The following CAPZB variants were observed in gnomAD, a reference collection of about 807,000 sequenced individuals.
CAPZB encodes the protein capping actin protein of muscle Z-line subunit beta.
CAPZB carries 2 observed loss-of-function variants against 38.1 expected under a neutral mutation model. The observed-to-expected ratio is 0.05, with a 90% CI of 0.02 to 0.17. CAPZB has a LOEUF of 0.17. Among genes scored for constraint, CAPZB ranks in the 10% least tolerant of loss-of-function variants. The pLI, the probability that CAPZB is intolerant of heterozygous loss-of-function variation, is 1.00. For synonymous variants in CAPZB, 107 were observed against 127.4 expected, an observed-to-expected ratio of 0.84 and a Z score of 1.08; for missense variants, 161 against 334.2, an observed-to-expected ratio of 0.48 and a Z score of 4.04.
At chr1:19,391,367 G>A (rs1035882234) in intron 2 of CAPZB, among the ~76,000 whole-genome samples, 1 of 152,052 alleles carries the variant, frequency 6.6e-6, no homozygotes, top group Non-Finnish European at 1.5e-5. Flanking sequence ...TTAAAAAATG[G>A]CCAAATGAAC....
In CAPZB at chr1:19,378,718, G is replaced by A. The variant is rs1303098344; in HGVS notation, c.216-65C>T. The A allele has an allele frequency of 4.5e-6, 4 of 881,762 alleles. No homozygotes were observed. The Admixed American group carries it at 5.4e-5, about 12-fold the overall frequency. The allele number at this position is 881,762 out of a possible 1,614,324, so 54.6% of individuals were successfully genotyped here. ...CCATGAAGACACGGCCAGCGAGCAG[G>A]GAGCCTGAGCCCTGGCTATCTGAAA... is the stretch of plus-strand genomic sequence containing the variant. On this transcript the variant is annotated intron_variant, in intron 3 of 8. Coordinates refer to ENST00000264202, the MANE Select transcript of CAPZB (RefSeq NM_004930.5).
intron 4 of CAPZB, among the ~76,000 whole-genome samples, chr1:19,363,319 G>A (rs1370241047): frequency 3.4e-5 from 5 of 145,282 alleles, no homozygotes; most frequent in African/African-American, 1.0e-4. Flanking sequence ...CTGGTCTCAA[G>A]CCGTTTATCA....
chr1:19,399,199 A>G (rs1245542937), intron 2 of CAPZB, among the ~76,000 whole-genome samples: 1 of 152,148 alleles, frequency 6.6e-6, no homozygotes, highest in Non-Finnish European at 1.5e-5. Flanking sequence ...ATTGGACCGT[A>G]CACTTTAAAA....
chr1:19,396,910 G>A (rs1051791440), intron 2 of CAPZB, among the ~76,000 whole-genome samples: 2 of 151,780 alleles, frequency 1.3e-5, no homozygotes, highest in African/African-American at 2.4e-5. Flanking sequence ...CCGAGATGGC[G>A]CCACTACACT....
intron 4 of CAPZB, among the ~76,000 whole-genome samples, chr1:19,377,219 C>T (rs1382710967): frequency 3.9e-5 from 6 of 152,174 alleles, no homozygotes; most frequent in African/African-American, 1.4e-4. Context: ...TTCAGTATCA[C>T]TGGGGAAGGA....
chr1:19,376,309 G>C (rs1431108892), intron 4 of CAPZB, among the ~76,000 whole-genome samples: 2 of 152,212 alleles, frequency 1.3e-5, no homozygotes, highest in Non-Finnish European at 2.9e-5. Flanking sequence ...ACACTTTCAA[G>C]GGGGAACTTT....
intron 1 of CAPZB, among the ~76,000 whole-genome samples, chr1:19,474,760 A>G (rs1182094701): frequency 1.3e-5 from 2 of 152,130 alleles, no homozygotes; most frequent in African/African-American, 4.8e-5. Context: ...GGTGACGAGG[A>G]GCATCTAAAG....
At position 19,396,022 on chromosome 1, in the gene CAPZB, C is replaced by T. The variant is rs114862095; in HGVS notation, c.94-10396G>A. 4.0e-3 allele frequency among the ~76,000 whole-genome samples: 604 copies of T among 152,346 alleles called. 3 individuals carry two copies. The highest frequency in any genetic ancestry group is 0.022 in the South Asian group (108 of 4,830). ...ACCACCTTTCTTCCCCGTGTTCCAC[C>T]TAAGTCATCCTTCAGGGTCTGATTC... On this transcript the variant is annotated intron_variant, in intron 2 of 8. Transcript: ENST00000264202.
At chr1:19,400,892 T>C (rs1257428321) in intron 2 of CAPZB, among the ~76,000 whole-genome samples, 1 of 152,168 alleles carries the variant, frequency 6.6e-6, no homozygotes, top group Admixed American at 6.5e-5. Context: ...TCCTACCACC[T>C]TGCCCCGATC....
chr1:19,477,621 CA>C (rs1260053424), intron 1 of CAPZB, among the ~76,000 whole-genome samples: 2 of 152,236 alleles, frequency 1.3e-5, no homozygotes, highest in South Asian at 2.1e-4. Flanking sequence ...CCTTCAGCAG[CA>C]ACACTCTACC....
chr1:19,370,020 G>A (rs1016012940), intron 4 of CAPZB, among the ~76,000 whole-genome samples: 1 of 152,110 alleles, frequency 6.6e-6, no homozygotes, highest in African/African-American at 2.4e-5. Flanking sequence ...CACTACTTCC[G>A]AGGAACTTCT....
chr1:19,359,363 T>C (rs1001552120), intron 4 of CAPZB, among the ~76,000 whole-genome samples: 1 of 151,996 alleles, frequency 6.6e-6, no homozygotes, highest in Admixed American at 6.6e-5. Context: ...CCCAGGAGAA[T>C]GAGGGTGCCC....
intron 1 of CAPZB, among the ~76,000 whole-genome samples, chr1:19,464,804 T>C (rs965730239): frequency 1.3e-4 from 20 of 152,196 alleles, no homozygotes; most frequent in Non-Finnish European, 1.3e-4. Flanking sequence ...CCATACTATC[T>C]GCTTCCATTT....
At position 19,357,440 on chromosome 1, in the gene CAPZB, G is replaced by A; in HGVS notation, c.453C>T (p.Ile151=). 2.5e-6 allele frequency: 4 copies of A among 1,613,982 alleles called. No homozygotes were observed. The highest frequency in any genetic ancestry group is 3.4e-6 in the Non-Finnish European group (4 of 1,180,020). The change falls in exon 5 of 9, where the codon ATC becomes ATT. Residue 151 remains isoleucine (I), a synonymous_variant. Transcript: ENST00000264202. The surrounding 1 kb of genome is among the most constrained non-coding windows in gnomAD (Gnocchi z 4.3). The part of the protein sequence containing the change: ...SKKIKGCWDS[I]HVVEVQEKSS... ...GCAGTACCTGCACTTCTACCACGTG[G>A]ATGGAATCCCAGCAGCCTTTGATCT...
At chr1:19,369,925 C>T (rs944820807) in intron 4 of CAPZB, among the ~76,000 whole-genome samples, 1 of 152,236 alleles carries the variant, frequency 6.6e-6, no homozygotes, top group African/African-American at 2.4e-5. Flanking sequence ...GCAGAGTTCA[C>T]TCAGCCAGAG....
At chr1:19,362,679 G>C (rs2094060014) in intron 4 of CAPZB, among the ~76,000 whole-genome samples, 1 of 152,126 alleles carries the variant, frequency 6.6e-6, no homozygotes, top group South Asian at 2.1e-4. Flanking sequence ...AAAAACCGTG[G>C]AGGCCCAAAG....
intron 1 of CAPZB, among the ~76,000 whole-genome samples, chr1:19,444,611 C>T (rs2094490186): frequency 6.6e-6 from 1 of 152,196 alleles, no homozygotes; most frequent in African/African-American, 2.4e-5. Flanking sequence ...CCACCTCATG[C>T]CTGAAACTGA....
At position 19,367,731 on chromosome 1, in the gene CAPZB, T is replaced by C. The variant is rs3790769; in HGVS notation, c.330-10168A>G. Among the ~76,000 whole-genome samples the C allele has an allele frequency of 1.5e-3, 230 of 152,352 alleles. 2 individuals are homozygous for C. The East Asian group carries it at 0.036, about 24-fold the overall frequency. On this transcript the variant is annotated intron_variant, in intron 4 of 8. Coordinates refer to ENST00000264202, the MANE Select transcript of CAPZB (RefSeq NM_004930.5). The stretch of plus-strand genomic sequence containing the variant: ...TCAGCTTAGGCATGTGCGACTTTAA[T>C]GCCAGCTGCACTTAGAAGGCACATC...
At chr1:19,427,816 C>T (rs2094428548) in intron 1 of CAPZB, among the ~76,000 whole-genome samples, 2 of 152,256 alleles carry the variant, frequency 1.3e-5, no homozygotes, top group South Asian at 4.1e-4. Flanking sequence ...CAGAAGTCCA[C>T]TTGGCGGACC....
Sources: gnomAD v4.1 joint callset for allele counts (sites outside exome capture counted in the v4.1 genomes callset) on GRCh38, gnomAD v4.1.1 for gene constraint, Gnocchi (gnomAD v3.1) non-coding constraint, MANE v1.5 for transcripts, NCBI Gene and HGNC (gene_info 2026-07-23, HGNC 2026-07-21) for gene names.